CNKSR3: variants seen among roughly 807,000 people sequenced by gnomAD.
CNKSR3 encodes the protein CNKSR family member 3, also known as connector enhancer of kinase suppressor of ras 3.
CNKSR3 carries 36 observed loss-of-function variants against 67.7 expected under a neutral mutation model. The ratio of observed to expected loss-of-function variants is 0.53; its 90% confidence interval spans 0.41 to 0.70. The LOEUF is 0.70. Among genes scored for constraint, CNKSR3 ranks in the 30% least tolerant of loss-of-function variants. The pLI is 0.00. For synonymous variants in CNKSR3, 281 were observed against 271.4 expected, an observed-to-expected ratio of 1.04 and a Z score of -0.35; for missense variants, 630 against 695.2, an observed-to-expected ratio of 0.91 and a Z score of 1.05.
intron 1 of CNKSR3, among the ~76,000 whole-genome samples, chr6:154,455,000 C>T (rs1430669632): frequency 1.3e-5 from 2 of 152,030 alleles, no homozygotes; most frequent in East Asian, 1.9e-4. Flanking sequence ...TATATCAGAA[C>T]GTAAGCATCA....
chr6:154,459,306 T>C (rs1786030202), intron 1 of CNKSR3, among the ~76,000 whole-genome samples: 1 of 151,926 alleles, frequency 6.6e-6, no homozygotes. Flanking sequence ...TCCAAACACA[T>C]AATAAAGATC....
chr6:154,495,199 G>A (rs1300502853), intron 1 of CNKSR3, among the ~76,000 whole-genome samples: 1 of 152,118 alleles, frequency 6.6e-6, no homozygotes, highest in African/African-American at 2.4e-5. Context: ...TAATAAGAGA[G>A]GGCACTGCAT....
chr6:154,496,710 A>G (rs6914034), intron 1 of CNKSR3, among the ~76,000 whole-genome samples: 18,609 of 152,258 alleles, frequency 0.12, 1,301 homozygotes, highest in Admixed American at 0.19. Flanking sequence ...CCCATTTACA[A>G]GAGCCCAATC....
chr6:154,438,519 A>T (rs544375132), intron 4 of CNKSR3, among the ~76,000 whole-genome samples: 2 of 152,212 alleles, frequency 1.3e-5, no homozygotes, highest in South Asian at 2.1e-4. Context: ...CTGGTAAGGT[A>T]AATATTTGTA....
Position 154,414,354 on chromosome 6 carries a change from A to G in CNKSR3, c.1015T>C (p.Ser339Pro). The change falls in exon 10 of 13, where the codon TCA becomes CCA. Residue 339 changes from serine to proline, a missense_variant. By Grantham distance (74) the Ser-to-Pro change is moderately conservative. Coordinates refer to ENST00000607772, the MANE Select transcript of CNKSR3 (RefSeq NM_173515.4). Reference sequence around the variant, plus strand: ...GGAATATAAAGATCCAGGATGGCTGACTTCTCCTTCTTCAGTGAGGTATCC... The same window carrying G: ...GGAATATAAAGATCCAGGATGGCTGGCTTCTCCTTCTTCAGTGAGGTATCC... ...TMDTSLKKEKSAILDLYIPPP... is the reference protein window; with the variant it reads ...TMDTSLKKEKPAILDLYIPPP... The G allele has an allele frequency of 6.2e-7, 1 of 1,612,280 alleles. No individual in the cohort carries two copies. Among genetic ancestry groups the G allele is most frequent in the Non-Finnish European group, 8.5e-7 (1 of 1,179,362 alleles).
intron 1 of CNKSR3, among the ~76,000 whole-genome samples, chr6:154,469,735 T>C (rs1336496231): frequency 6.6e-6 from 1 of 152,240 alleles, no homozygotes; most frequent in Non-Finnish European, 1.5e-5. Context: ...CACCACTATC[T>C]ACAGCTGACC....
chr6:154,454,667 G>A (rs985246447), intron 1 of CNKSR3, among the ~76,000 whole-genome samples: 4 of 151,976 alleles, frequency 2.6e-5, no homozygotes, highest in Admixed American at 1.3e-4. Flanking sequence ...GACTACAGGT[G>A]TGTGCCACCA....
chr6:154,437,549 G>A (rs1418461824), intron 4 of CNKSR3, among the ~76,000 whole-genome samples: 1 of 151,668 alleles, frequency 6.6e-6, no homozygotes, highest in Non-Finnish European at 1.5e-5. Context: ...AAGTAGCTGG[G>A]ATATATAGGT....
Position 154,510,256 on chromosome 6 carries a change from G to T in CNKSR3, c.-142C>A. The T allele has an allele frequency of 1.1e-6, 1 of 869,746 alleles. No individual in the cohort carries two copies. The highest frequency in any genetic ancestry group is 1.5e-5 in the South Asian group (1 of 64,612). The allele number at this position is 869,746 out of a possible 1,614,324, so 53.9% of individuals were successfully genotyped here. A position where few individuals can be genotyped will look rare whatever the true frequency, so the allele number is the denominator to read the frequency against. On this transcript the variant is annotated 5_prime_UTR_variant, in exon 1 of 13. Transcript: ENST00000607772. The stretch of plus-strand genomic sequence containing the variant: ...ACTCCGTCAAGACTGCATGGCCGCG[G>T]TCAGCCAGTCGTCCCAGCGCGGCTC...
chr6:154,501,498 CCCA>C (rs1219411923), intron 1 of CNKSR3, among the ~76,000 whole-genome samples: 1 of 152,140 alleles, frequency 6.6e-6, no homozygotes, highest in African/African-American at 2.4e-5. Context: ...CTCTCATGAC[CCCA>C]CCACAACTTC....
intron 12 of CNKSR3, among the ~76,000 whole-genome samples, chr6:154,407,954 T>A (rs73011439): frequency 0.027 from 4,034 of 151,000 alleles, 90 homozygotes; most frequent in Non-Finnish European, 0.044. Flanking sequence ...AAGATGGCAT[T>A]CTAATACGGC....
At chr6:154,441,705 A>C (rs1037678792) in intron 3 of CNKSR3, among the ~76,000 whole-genome samples, 2 of 152,080 alleles carry the variant, frequency 1.3e-5, no homozygotes, top group African/African-American at 2.4e-5. Flanking sequence ...GACACATAAA[A>C]TAGCAATCTG....
chr6:154,464,534 G>C (rs1309772433), intron 1 of CNKSR3, among the ~76,000 whole-genome samples: 1 of 151,874 alleles, frequency 6.6e-6, no homozygotes, highest in Non-Finnish European at 1.5e-5. Context: ...GGCCAACATG[G>C]TGAAACCCCA....
At chr6:154,509,120 G>A (rs931149256) in intron 1 of CNKSR3, among the ~76,000 whole-genome samples, 4 of 152,020 alleles carry the variant, frequency 2.6e-5, no homozygotes, top group African/African-American at 9.7e-5. Context: ...ACTTGAAACA[G>A]AGATGTCGTT....
At chr6:154,422,387 T>C in intron 9 of CNKSR3, 119 bp downstream of exon 9, 1 of 919,684 alleles carries the variant, frequency 1.1e-6, no homozygotes, top group Non-Finnish European at 1.7e-6. Flanking sequence ...GAGTATAGGA[T>C]AATTACATAC....
chr6:154,483,775 T>A (rs1276930487), intron 1 of CNKSR3, among the ~76,000 whole-genome samples: 1 of 152,192 alleles, frequency 6.6e-6, no homozygotes, highest in Non-Finnish European at 1.5e-5. Context: ...TGTAAGTACA[T>A]CTGAATGCAT....
chr6:154,500,555 C>G (rs1166530874), intron 1 of CNKSR3, among the ~76,000 whole-genome samples: 2 of 152,088 alleles, frequency 1.3e-5, no homozygotes, highest in Non-Finnish European at 2.9e-5. Context: ...TCCTTAAGTT[C>G]CCTCTCCCAC....
At chr6:154,494,223 T>C (rs1185756309) in intron 1 of CNKSR3, among the ~76,000 whole-genome samples, 1 of 152,134 alleles carries the variant, frequency 6.6e-6, no homozygotes, top group African/African-American at 2.4e-5. Flanking sequence ...TCCTTCTTCA[T>C]ATTAGGTCAA....
At chr6:154,492,896 C>T (rs1297696865) in intron 1 of CNKSR3, among the ~76,000 whole-genome samples, 1 of 152,210 alleles carries the variant, frequency 6.6e-6, no homozygotes, top group Non-Finnish European at 1.5e-5. Flanking sequence ...TTCAATCTCT[C>T]AGTAAATCCT....
Sources: gnomAD v4.1 joint callset for allele counts (sites outside exome capture counted in the v4.1 genomes callset) on GRCh38, gnomAD v4.1.1 for gene constraint, MANE v1.5 for transcripts, NCBI Gene and HGNC (gene_info 2026-07-23, HGNC 2026-07-21) for gene names.